ARL15: variants seen among roughly 807,000 people sequenced by gnomAD.
ARL15 encodes the protein ARF like GTPase 15.
In ARL15, 19 loss-of-function variants were observed where a neutral mutation model predicts 25.2. The ratio of observed to expected loss-of-function variants is 0.75; its 90% confidence interval spans 0.53 to 1.10. ARL15 has a LOEUF of 1.10. Ranked by LOEUF, ARL15 falls within the 50% of genes least tolerant of loss-of-function variation. The pLI, the probability that ARL15 is intolerant of heterozygous loss-of-function variation, is 0.00. For synonymous variants in ARL15, 94 were observed against 86.8 expected, an observed-to-expected ratio of 1.08 and a Z score of -0.46; for missense variants, 220 against 246.0, an observed-to-expected ratio of 0.89 and a Z score of 0.71.
At chr5:54,135,874 A>G (rs1753586913) in intron 3 of ARL15, among the ~76,000 whole-genome samples, 1 of 152,184 alleles carries the variant, frequency 6.6e-6, no homozygotes, top group South Asian at 2.1e-4. Context: ...TCTGAAGGAG[A>G]CTGCATACCC....
At chr5:54,037,093 A>G (rs1750191152) in intron 4 of ARL15, among the ~76,000 whole-genome samples, 1 of 152,046 alleles carries the variant, frequency 6.6e-6, no homozygotes, top group African/African-American at 2.4e-5. Context: ...AGGTTACAGA[A>G]AATCTTAGAT....
chr5:54,239,416 A>G (rs1277258680), intron 1 of ARL15, among the ~76,000 whole-genome samples: 1 of 152,166 alleles, frequency 6.6e-6, no homozygotes, highest in Non-Finnish European at 1.5e-5. Context: ...TAAGACTTAC[A>G]CGAGTAAAGA....
chr5:54,098,682 C>T (rs1310523947), intron 4 of ARL15, among the ~76,000 whole-genome samples: 1 of 152,142 alleles, frequency 6.6e-6, no homozygotes, highest in African/African-American at 2.4e-5. Context: ...TACAGAGATA[C>T]GATGGGGTTT....
At chr5:54,149,295 G>A (rs922775726) in intron 3 of ARL15, among the ~76,000 whole-genome samples, 1 of 152,050 alleles carries the variant, frequency 6.6e-6, no homozygotes, top group Non-Finnish European at 1.5e-5. Flanking sequence ...ACTATGCTAG[G>A]TAGCTAAACA....
At chr5:54,264,487 C>T (rs1757573481) in intron 1 of ARL15, among the ~76,000 whole-genome samples, 1 of 152,120 alleles carries the variant, frequency 6.6e-6, no homozygotes, top group Admixed American at 6.6e-5. Flanking sequence ...TACTCAAAAC[C>T]CTATGAGGTA....
intron 1 of ARL15, among the ~76,000 whole-genome samples, chr5:54,201,913 G>A (rs1404444426): frequency 6.6e-6 from 1 of 152,028 alleles, no homozygotes; most frequent in Admixed American, 6.6e-5. Flanking sequence ...ATTATATAGG[G>A]ATAAAAATCA....
rs1177179529 is a variant in ARL15, at chr5:54,252,191, C to T, written c.48+58241G>A. On this transcript the variant is annotated intron_variant, in intron 1 of 4. Transcript: ENST00000504924. ...AAGCAGGTGGCAATGTGTTAGGAAA[C>T]TCCTGAATGCATTTAACATTTAGTA... Among the ~76,000 whole-genome samples the T allele has an allele frequency of 2.0e-5, 3 of 152,100 alleles. No individual in the cohort carries two copies. The East Asian group carries it at 5.8e-4, about 29-fold the overall frequency.
chr5:54,138,611 C>T (rs1753674703), intron 3 of ARL15, among the ~76,000 whole-genome samples: 1 of 151,900 alleles, frequency 6.6e-6, no homozygotes, highest in Non-Finnish European at 1.5e-5. Context: ...TTGGTCTAGG[C>T]AAAGGATTTA....
At chr5:54,286,920 G>A (rs1430516928) in intron 1 of ARL15, among the ~76,000 whole-genome samples, 2 of 149,572 alleles carry the variant, frequency 1.3e-5, no homozygotes, top group Admixed American at 6.7e-5. Context: ...TCAGGTTGGA[G>A]TGCAGTGGCG....
intron 4 of ARL15, among the ~76,000 whole-genome samples, chr5:54,002,019 C>T (rs1189268623): frequency 2.0e-5 from 3 of 152,210 alleles, no homozygotes; most frequent in Non-Finnish European, 2.9e-5. Flanking sequence ...TCTTCATCTA[C>T]TCCACAGCTT....
chr5:54,009,703 T>C (rs1294595999), intron 4 of ARL15, among the ~76,000 whole-genome samples: 2 of 152,222 alleles, frequency 1.3e-5, no homozygotes, highest in African/African-American at 2.4e-5. Flanking sequence ...TTGCAACTTC[T>C]ATATTAAGAC....
intron 4 of ARL15, among the ~76,000 whole-genome samples, chr5:53,977,470 A>C (rs1294090713): frequency 6.6e-6 from 1 of 152,152 alleles, no homozygotes; most frequent in Non-Finnish European, 1.5e-5. Context: ...GGCTGTCAGT[A>C]ATAACTTCAC....
chr5:54,285,076 A>G (rs1205774332), intron 1 of ARL15, among the ~76,000 whole-genome samples: 2 of 152,218 alleles, frequency 1.3e-5, no homozygotes, highest in African/African-American at 2.4e-5. Context: ...CAATAAAAGA[A>G]TGAGTTTCTA....
chr5:54,111,558 G>A (rs761769946), intron 4 of ARL15, among the ~76,000 whole-genome samples: 1 of 151,988 alleles, frequency 6.6e-6, no homozygotes, highest in Admixed American at 6.5e-5. Flanking sequence ...AAGGAAAACA[G>A]ATACACAGGT....
chr5:53,966,923 T>G (rs1255416376), intron 4 of ARL15, among the ~76,000 whole-genome samples: 2 of 152,184 alleles, frequency 1.3e-5, no homozygotes, highest in African/African-American at 4.8e-5. Flanking sequence ...AATAATGAAA[T>G]GTTGGAAAGA....
chr5:53,956,111 A>C (rs1747145813), intron 4 of ARL15, among the ~76,000 whole-genome samples: 1 of 152,074 alleles, frequency 6.6e-6, no homozygotes, highest in Non-Finnish European at 1.5e-5. Flanking sequence ...AGACCCTGAG[A>C]GATTTTCTTC....
chr5:54,160,724 G>C (rs1754378661), intron 2 of ARL15, among the ~76,000 whole-genome samples: 1 of 152,146 alleles, frequency 6.6e-6, no homozygotes, highest in African/African-American at 2.4e-5. Context: ...TATGTCAGAG[G>C]TGAAAAATTG....
chr5:54,113,455 C>A, intron 3 of ARL15, 45 bp from the exon 4 acceptor site: 1 of 1,572,618 alleles, frequency 6.4e-7, no homozygotes, highest in South Asian at 1.2e-5. Context: ...GAGCTTTCAG[C>A]AACTGAAAAA....
At chr5:54,056,939 G>T (rs923825731) in intron 4 of ARL15, among the ~76,000 whole-genome samples, 2 of 152,052 alleles carry the variant, frequency 1.3e-5, no homozygotes, top group Non-Finnish European at 2.9e-5. Context: ...GTAGGTTTGT[G>T]TCATGAACAC....
Sources: gnomAD v4.1 joint callset for allele counts (sites outside exome capture counted in the v4.1 genomes callset) on GRCh38, gnomAD v4.1.1 for gene constraint, MANE v1.5 for transcripts, NCBI Gene and HGNC (gene_info 2026-07-23, HGNC 2026-07-21) for gene names.